The following GSG1L variants were observed in gnomAD, a reference collection of about 807,000 sequenced individuals.
GSG1L encodes germ cell-specific gene 1-like protein.
GSG1L carries 24 observed loss-of-function variants against 42.1 expected under a neutral mutation model. That is an observed-to-expected ratio of 0.57 (90% CI 0.41 to 0.80). The LOEUF (loss-of-function observed/expected upper bound fraction) is 0.80, where lower values mean the gene tolerates loss of function less well. GSG1L is among the 30% of genes least tolerant of loss of function. The pLI is 0.00. For missense variants in GSG1L, 445 were observed against 472.2 expected (o/e 0.94, Z 0.53); for synonymous variants, 215 against 203.5 (o/e 1.06, Z -0.48).
intron 2 of GSG1L, among the ~76,000 whole-genome samples, chr16:27,918,990 CCTT>C (rs1459093250): frequency 1.3e-5 from 2 of 152,146 alleles, no homozygotes; most frequent in African/African-American, 2.4e-5. Context: ...GCCTCACAAT[CCTT>C]CTCCACACAG....
At chr16:27,843,274 G>C (rs948214743) in intron 4 of GSG1L, among the ~76,000 whole-genome samples, 5 of 152,032 alleles carry the variant, frequency 3.3e-5, no homozygotes, top group Non-Finnish European at 5.9e-5. Flanking sequence ...CAAGGGTTTG[G>C]GTGAGGCTAA....
intron 5 of GSG1L, among the ~76,000 whole-genome samples, chr16:27,820,385 G>A (rs1322269469): frequency 3.3e-5 from 5 of 152,096 alleles, no homozygotes; most frequent in Admixed American, 6.5e-5. Flanking sequence ...AGAGCAATTC[G>A]GGAGGCAGGT....
At chr16:27,993,101 T>C (rs2085472963) in intron 1 of GSG1L, among the ~76,000 whole-genome samples, 1 of 152,190 alleles carries the variant, frequency 6.6e-6, no homozygotes, top group African/African-American at 2.4e-5. Flanking sequence ...GTTTAGTACC[T>C]GAGTCAGGAT....
At chr16:27,905,168 G>T (rs1033414978) in intron 2 of GSG1L, among the ~76,000 whole-genome samples, 2 of 152,194 alleles carry the variant, frequency 1.3e-5, no homozygotes, top group Non-Finnish European at 2.9e-5. Flanking sequence ...CCAGAGAGGG[G>T]ACAAGATTTG....
chr16:27,819,776 G>T (rs2083132680), intron 5 of GSG1L, among the ~76,000 whole-genome samples: 1 of 152,202 alleles, frequency 6.6e-6, no homozygotes, highest in Non-Finnish European at 1.5e-5. Flanking sequence ...CAGTGTTTTA[G>T]GCAGAAAGAT....
Position 28,021,204 on chromosome 16 carries a change from C to A in GSG1L, c.349+41872G>T, listed in dbSNP as rs115081684. On this transcript the variant is annotated intron_variant, in intron 1 of 6. Coordinates refer to ENST00000447459, the MANE Select transcript of GSG1L (RefSeq NM_001109763.2). Reference sequence around the variant, plus strand: ...GGCATCTGCTTGGCTTCTGGGGAGGCCTCAGAAAACTTACAATCATGGTGG... The same window carrying A: ...GGCATCTGCTTGGCTTCTGGGGAGGACTCAGAAAACTTACAATCATGGTGG... Among the ~76,000 whole-genome samples the A allele has an allele frequency of 9.8e-3, 1,487 of 152,078 alleles. 26 individuals are homozygous for A. Among genetic ancestry groups the A allele is most frequent in the African/African-American group, 0.034 (1,405 of 41,472 alleles).
At chr16:27,824,429 G>A (rs1201712213) in intron 5 of GSG1L, among the ~76,000 whole-genome samples, 1 of 152,052 alleles carries the variant, frequency 6.6e-6, no homozygotes, top group African/African-American at 2.4e-5. Flanking sequence ...CCTCCCTTGA[G>A]TTCCTGGCTG....
In GSG1L at chr16:27,984,003, T is replaced by C. The variant is rs373356634; in HGVS notation, c.350-20800A>G. On this transcript the variant is annotated intron_variant, in intron 1 of 6. Coordinates refer to ENST00000447459, the MANE Select transcript of GSG1L (RefSeq NM_001109763.2). The stretch of plus-strand genomic sequence containing the variant: ...AATGCCCATAGCATAGATAACCCCT[T>C]GTCAAGATGCTTATCCAACATCCTC... Among the ~76,000 whole-genome samples the C allele has an allele frequency of 1.1e-4, 16 of 152,242 alleles. No homozygotes were observed. In the East Asian group the frequency reaches 1.7e-3, roughly 17 times the overall value.
intron 5 of GSG1L, among the ~76,000 whole-genome samples, chr16:27,820,387 G>A (rs1283775827): frequency 6.6e-6 from 1 of 152,086 alleles, no homozygotes. Flanking sequence ...AGCAATTCGG[G>A]AGGCAGGTGG....
At chr16:28,055,205 G>A (rs1347194529) in intron 1 of GSG1L, among the ~76,000 whole-genome samples, 1 of 152,042 alleles carries the variant, frequency 6.6e-6, no homozygotes, top group Non-Finnish European at 1.5e-5. Flanking sequence ...GCCCGGGCTG[G>A]AGCACAGTGA....
intron 2 of GSG1L, among the ~76,000 whole-genome samples, chr16:27,932,924 C>T (rs1444995898): frequency 6.6e-6 from 1 of 151,978 alleles, no homozygotes; most frequent in Non-Finnish European, 1.5e-5. Context: ...CAGCCTGGAC[C>T]CAAGGTAACC....
chr16:27,873,238 G>A (rs1176970224), intron 3 of GSG1L, among the ~76,000 whole-genome samples: 1 of 152,132 alleles, frequency 6.6e-6, no homozygotes, highest in Non-Finnish European at 1.5e-5. Context: ...AACTCATCTG[G>A]TCACAATACC....
intron 1 of GSG1L, among the ~76,000 whole-genome samples, chr16:28,057,628 G>C (rs182586503): frequency 6.6e-6 from 1 of 152,344 alleles, no homozygotes; most frequent in East Asian, 1.9e-4. Flanking sequence ...ACACGGTTCA[G>C]ATGTGATGCA....
At chr16:27,883,377 G>C (rs887210441) in intron 3 of GSG1L, among the ~76,000 whole-genome samples, 1 of 152,126 alleles carries the variant, frequency 6.6e-6, no homozygotes, top group African/African-American at 2.4e-5. Context: ...CACATTGTCT[G>C]TGTGTTGTGA....
intron 1 of GSG1L, among the ~76,000 whole-genome samples, chr16:28,042,544 A>T (rs145276572): frequency 1.3e-5 from 2 of 152,312 alleles, no homozygotes; most frequent in African/African-American, 4.8e-5. Context: ...TGTCAGGAAG[A>T]TTCCATTGCA....
chr16:27,958,451 C>T (rs541660061), intron 2 of GSG1L, among the ~76,000 whole-genome samples: 58 of 150,540 alleles, frequency 3.9e-4, no homozygotes, highest in Non-Finnish European at 7.4e-4. Flanking sequence ...TATCAGTCAT[C>T]ATGCGATAGA....
At chr16:27,905,082 C>CA in intron 2 of GSG1L, among the ~76,000 whole-genome samples, 1 of 152,306 alleles carries the variant, frequency 6.6e-6, no homozygotes, top group Middle Eastern at 3.4e-3. Context: ...CACCAGTTTC[C>CA]AATCCTTCAC....
intron 1 of GSG1L, among the ~76,000 whole-genome samples, chr16:27,975,847 T>A (rs1173838067): frequency 6.6e-6 from 1 of 152,228 alleles, no homozygotes; most frequent in Non-Finnish European, 1.5e-5. Context: ...TTTTAGGTGC[T>A]GGAGACACAG....
At chr16:27,835,786 C>A (rs893246176) in intron 4 of GSG1L, among the ~76,000 whole-genome samples, 1 of 152,030 alleles carries the variant, frequency 6.6e-6, no homozygotes, top group African/African-American at 2.4e-5. Context: ...CTTTGTGACC[C>A]TTTACTTTCC....
Sources: allele counts gnomAD v4.1 joint callset (sites outside exome capture counted in the v4.1 genomes callset), GRCh38; gene constraint gnomAD v4.1.1; transcripts MANE v1.5; gene names NCBI Gene and HGNC (gene_info 2026-07-23, HGNC 2026-07-21).